Variants in ANKRD55 observed in about 807,000 individuals in gnomAD.
The protein encoded by ANKRD55 is ankyrin repeat domain-containing protein 55.
In ANKRD55, 41 loss-of-function variants were observed where a neutral mutation model predicts 60.6. The observed-to-expected ratio is 0.68, with a 90% CI of 0.53 to 0.88. The LOEUF is 0.88. ANKRD55 is among the 40% of genes least tolerant of loss of function. The pLI is 0.00. For synonymous variants in ANKRD55, 264 were observed against 290.3 expected (o/e 0.91, Z 0.92); for missense variants, 732 against 767.6 (o/e 0.95, Z 0.55).
intron 4 of ANKRD55, among the ~76,000 whole-genome samples, chr5:56,173,578 C>CTATA (rs1211689978): frequency 3.4e-3 from 244 of 71,616 alleles, no homozygotes; most frequent in Non-Finnish European, 4.1e-3. Context: ...CTCTCTCTCT[C>CTATA]TCTCTATATA....
chr5:56,148,670 A>G (rs1252705960), intron 6 of ANKRD55, among the ~76,000 whole-genome samples: 4 of 151,848 alleles, frequency 2.6e-5, no homozygotes, highest in Non-Finnish European at 5.9e-5. Flanking sequence ...TTTTTTTCAA[A>G]ACCACTTTTG....
intron 11 of ANKRD55, among the ~76,000 whole-genome samples, chr5:56,100,783 TG>T (rs1187218225): frequency 2.0e-5 from 3 of 152,338 alleles, no homozygotes; most frequent in Non-Finnish European, 4.4e-5. Context: ...GAAACTTAAC[TG>T]TGAAAAGCAA....
In ANKRD55 at chr5:56,173,600, A is replaced by ATT. The variant is rs1554041256; in HGVS notation, c.312+2551_312+2552insAA. ...TCTCTCTCTATATATATATATATAT[A>ATT]TATATATCTTGGCTCACCACAACTT... is the stretch of plus-strand genomic sequence containing the variant. On this transcript the variant is annotated intron_variant, in intron 4 of 11. Coordinates refer to ENST00000341048, the MANE Select transcript of ANKRD55 (RefSeq NM_024669.3). 8.4e-3 allele frequency among the ~76,000 whole-genome samples: 1,148 copies of ATT among 136,690 alleles called. 29 individuals are homozygous for ATT. The highest frequency in any genetic ancestry group is 0.032 in the African/African-American group (1,095 of 34,226). 89.7% of individuals were successfully genotyped at this position (136,690 alleles called of 152,430 possible).
At chr5:56,144,338 G>A (rs1004690864) in intron 6 of ANKRD55, among the ~76,000 whole-genome samples, 1 of 152,184 alleles carries the variant, frequency 6.6e-6, no homozygotes, top group Non-Finnish European at 1.5e-5. Flanking sequence ...AAGAAATGGA[G>A]GAAGAGGACA....
chr5:56,141,351 C>T (rs989067417), intron 7 of ANKRD55, among the ~76,000 whole-genome samples: 9 of 152,060 alleles, frequency 5.9e-5, no homozygotes, highest in Non-Finnish European at 1.2e-4. Flanking sequence ...ATCCTCCTGC[C>T]TCAGTCTCCC....
intron 7 of ANKRD55, among the ~76,000 whole-genome samples, chr5:56,133,209 G>A (rs942433151): frequency 1.3e-5 from 2 of 151,758 alleles, no homozygotes; most frequent in African/African-American, 4.9e-5. Flanking sequence ...GGGAGGCTGA[G>A]GTGGGCAGAT....
chr5:56,146,537 C>A (rs1274553815), intron 6 of ANKRD55, among the ~76,000 whole-genome samples: 1 of 152,126 alleles, frequency 6.6e-6, no homozygotes, highest in East Asian at 1.9e-4. Flanking sequence ...ACCTCAGCCT[C>A]CCAAAATGCT....
intron 10 of ANKRD55, among the ~76,000 whole-genome samples, chr5:56,102,894 A>T (rs1756334141): frequency 6.6e-6 from 1 of 152,208 alleles, no homozygotes. Context: ...AATAATATAG[A>T]TATGGCATCT....
In ANKRD55 at chr5:56,145,791, G is replaced by A. The variant is rs554754679; in HGVS notation, c.484-1862C>T. Among the ~76,000 whole-genome samples the A allele has an allele frequency of 8.5e-4, 129 of 152,266 alleles. 1 individual carries two copies. Among genetic ancestry groups the A allele is most frequent in the Admixed American group, 3.5e-3 (53 of 15,290 alleles). The stretch of plus-strand genomic sequence containing the variant: ...ATTATGGTTTGCTTTCAAGTTTCAA[G>A]TATCATATGACAGTGAACCTCCAGA... On this transcript the variant is annotated intron_variant, in intron 6 of 11. Coordinates refer to ENST00000341048, the MANE Select transcript of ANKRD55 (RefSeq NM_024669.3).
At chr5:56,171,034 C>A (rs1425679479) in intron 4 of ANKRD55, among the ~76,000 whole-genome samples, 1 of 152,206 alleles carries the variant, frequency 6.6e-6, no homozygotes, top group Non-Finnish European at 1.5e-5. Flanking sequence ...TAGATGCAGA[C>A]TGACCTTAGA....
intron 6 of ANKRD55, among the ~76,000 whole-genome samples, chr5:56,144,320 T>C (rs1456467451): frequency 6.6e-6 from 1 of 152,130 alleles, no homozygotes. Context: ...TAAACAGGCC[T>C]CTGAAAGAAG....
chr5:56,100,300 T>C lies in ANKRD55; in HGVS notation c.1728A>G (p.Leu576=), dbSNP rs764695183. The change falls in exon 12 of 12, where the codon CTA becomes CTG. Residue 576 remains leucine, a synonymous_variant. Transcript: ENST00000341048. The part of the protein sequence containing the change: ...NLAPLPDQKF[L]SGEPLRTNRV... Reference sequence around the variant, plus strand: ...GGTTTGTCCGCAGAGGTTCTCCAGATAGAACTGGGAAGAAAGAATAGAACA... The same window carrying C: ...GGTTTGTCCGCAGAGGTTCTCCAGACAGAACTGGGAAGAAAGAATAGAACA... 6.2e-7 allele frequency: 1 copy of C among 1,614,122 alleles called. No homozygotes were observed. Among genetic ancestry groups the C allele is most frequent in the South Asian group, 1.1e-5 (1 of 91,078 alleles).
chr5:56,164,487 G>C (rs1489378949), intron 5 of ANKRD55, among the ~76,000 whole-genome samples: 2 of 152,166 alleles, frequency 1.3e-5, no homozygotes, highest in Non-Finnish European at 1.5e-5. Context: ...CTGCAGTCAA[G>C]AGTGATGAAA....
intron 7 of ANKRD55, among the ~76,000 whole-genome samples, chr5:56,134,430 T>A (rs1757499776): frequency 9.0e-6 from 1 of 111,564 alleles, no homozygotes; most frequent in South Asian, 3.0e-4. Context: ...ATACAAAAAA[T>A]TAGCCTGGCG....
chr5:56,105,878 C>G (rs1756448193), intron 10 of ANKRD55, among the ~76,000 whole-genome samples: 1 of 152,190 alleles, frequency 6.6e-6, no homozygotes, highest in Non-Finnish European at 1.5e-5. Context: ...AGGAAATGCA[C>G]ACTTTTTTAC....
chr5:56,232,986 C>T (rs1020624776), intron 1 of ANKRD55, 40 bp from the exon 2 acceptor site: 7 of 1,403,654 alleles, frequency 5.0e-6, no homozygotes, highest in African/African-American at 2.8e-5. Context: ...TTACTGTCAA[C>T]ATGACAGTCA....
chr5:56,132,227 A>G (rs1223944947), intron 7 of ANKRD55, among the ~76,000 whole-genome samples: 2 of 152,172 alleles, frequency 1.3e-5, no homozygotes, highest in Non-Finnish European at 2.9e-5. Context: ...CTAAAAAAGT[A>G]AAAAAGGAAG....
At chr5:56,231,943 A>C (rs1478277007) in intron 2 of ANKRD55, among the ~76,000 whole-genome samples, 1 of 152,206 alleles carries the variant, frequency 6.6e-6, no homozygotes, top group African/African-American at 2.4e-5. Flanking sequence ...TCAAACCACC[A>C]TTTCATGTTG....
At chr5:56,144,208 A>G (rs557930033) in intron 6 of ANKRD55, among the ~76,000 whole-genome samples, 1 of 152,344 alleles carries the variant, frequency 6.6e-6, no homozygotes, top group African/African-American at 2.4e-5. Flanking sequence ...GCAGATATTA[A>G]ATGCACAAAA....
Sources: allele counts gnomAD v4.1 joint callset (sites outside exome capture counted in the v4.1 genomes callset), GRCh38; gene constraint gnomAD v4.1.1; transcripts MANE v1.5; gene names NCBI Gene and HGNC (gene_info 2026-07-23, HGNC 2026-07-21).